ZBTB16: variants seen among roughly 807,000 people sequenced by gnomAD.
ZBTB16 encodes the protein zinc finger and BTB domain-containing protein 16.
A neutral mutation model predicts 56.8 loss-of-function variants in ZBTB16; 8 were observed. That is an observed-to-expected ratio of 0.14 (90% CI 0.08 to 0.25). The LOEUF (loss-of-function observed/expected upper bound fraction) is 0.25. Among genes scored for constraint, ZBTB16 ranks in the 10% least tolerant of loss-of-function variants. The pLI is 1.00. For synonymous variants in ZBTB16, 363 were observed against 368.5 expected (o/e 0.98, Z 0.17); for missense variants, 625 against 903.0 (o/e 0.69, Z 3.95).
At chr11:114,216,293 G>T (rs1375868871) in intron 4 of ZBTB16, among the ~76,000 whole-genome samples, 1 of 152,182 alleles carries the variant, frequency 6.6e-6, no homozygotes, top group Non-Finnish European at 1.5e-5. Flanking sequence ...AGCAGAGCTG[G>T]GGGGTGGACT....
intron 4 of ZBTB16, among the ~76,000 whole-genome samples, chr11:114,223,283 C>A (rs1239284260): frequency 1.3e-5 from 2 of 152,194 alleles, no homozygotes; most frequent in Admixed American, 1.3e-4. Flanking sequence ...ATGCCCTGCT[C>A]CTAACACATG....
In ZBTB16 at chr11:114,121,745, C is replaced by T. The variant is rs79551703; in HGVS notation, c.1269-34592C>T. The T allele has an allele frequency of 4.4e-3, 1,991 of 450,634 alleles. 35 individuals carry two copies. Among genetic ancestry groups the T allele is most frequent in the African/African-American group, 0.036 (1,815 of 49,940 alleles). 27.9% of individuals were successfully genotyped at this position (450,634 alleles called of 1,614,324 possible). ...TCTGATCCCAGATCCCAAATCCTTGCCCAGTATATTATACTCGCAGTTTTG... is the reference window on the plus strand; with the variant it reads ...TCTGATCCCAGATCCCAAATCCTTGTCCAGTATATTATACTCGCAGTTTTG... On this transcript the variant is annotated intron_variant, in intron 2 of 6. Coordinates refer to ENST00000335953, the MANE Select transcript of ZBTB16 (RefSeq NM_006006.6).
At chr11:114,171,989 A>C (rs1169174706) in intron 3 of ZBTB16, among the ~76,000 whole-genome samples, 1 of 152,250 alleles carries the variant, frequency 6.6e-6, no homozygotes, top group East Asian at 1.9e-4. Flanking sequence ...GGAAAGGGAG[A>C]CAGGAGCAGC....
intron 4 of ZBTB16, among the ~76,000 whole-genome samples, chr11:114,211,710 A>G (rs1322454453): frequency 6.6e-6 from 1 of 152,048 alleles, no homozygotes; most frequent in African/African-American, 2.4e-5. Context: ...TGATTTTCAG[A>G]GTCCCCGTTT....
intron 2 of ZBTB16, among the ~76,000 whole-genome samples, chr11:114,142,762 AG>A (rs10717202): frequency 0.22 from 33,575 of 150,700 alleles, 4,288 homozygotes; most frequent in Middle Eastern, 0.35. Context: ...GGCCTTGGGG[AG>A]GGGGAGCTGG....
chr11:114,062,130 T>C (rs1938900567), intron 1 of ZBTB16, among the ~76,000 whole-genome samples: 1 of 149,380 alleles, frequency 6.7e-6, no homozygotes, highest in South Asian at 2.1e-4. Flanking sequence ...TGAGACGGAG[T>C]TTTGCTCCTG....
intron 2 of ZBTB16, among the ~76,000 whole-genome samples, chr11:114,153,129 A>G (rs1177135835): frequency 6.6e-6 from 1 of 152,192 alleles, no homozygotes; most frequent in East Asian, 1.9e-4. Context: ...AGGTACCTCA[A>G]ATGCACTGAA....
rs1365768195 is a variant in ZBTB16, at chr11:114,082,551, A to C, written c.1268+17983A>C. 3.3e-5 allele frequency among the ~76,000 whole-genome samples: 5 copies of C among 152,128 alleles called. No individual in the cohort carries two copies. The East Asian group carries it at 7.7e-4, about 23-fold the overall frequency. ...GACGTGACTGGAGTGCTCCATACTG[A>C]TGTGACATCCACTAGGCATGTGTCT... On this transcript the variant is annotated intron_variant, in intron 2 of 6. Transcript: ENST00000335953.
At chr11:114,186,850 C>T (rs190482914) in intron 3 of ZBTB16, 102 bp from the exon 4 acceptor site, 120 of 1,148,320 alleles carry the variant, frequency 1.0e-4, no homozygotes, top group Non-Finnish European at 1.5e-4. Flanking sequence ...TGCGGGTGTC[C>T]AGTCCCCTTC....
At position 114,067,381 on chromosome 11, in the gene ZBTB16, G is replaced by C. The variant is rs548664218; in HGVS notation, c.1268+2813G>C. On this transcript the variant is annotated intron_variant, in intron 2 of 6. Coordinates refer to ENST00000335953, the MANE Select transcript of ZBTB16 (RefSeq NM_006006.6). The stretch of plus-strand genomic sequence containing the variant: ...CTGGAATCCTCCGTGTCACATGTGG[G>C]CTGCTGACAGGAAGAATGTGCTTTT... Among the ~76,000 whole-genome samples the C allele has an allele frequency of 3.0e-3, 460 of 152,248 alleles. 3 individuals are homozygous for C. Among genetic ancestry groups the C allele is most frequent in the Middle Eastern group, 0.017 (5 of 294 alleles).
chr11:114,223,201 G>A (rs1309721280), intron 4 of ZBTB16, among the ~76,000 whole-genome samples: 3 of 152,182 alleles, frequency 2.0e-5, no homozygotes, highest in Non-Finnish European at 4.4e-5. Context: ...GGACATCTGG[G>A]TAGCACTGCA....
At chr11:114,087,798 A>G (rs956390843) in intron 2 of ZBTB16, among the ~76,000 whole-genome samples, 1 of 152,076 alleles carries the variant, frequency 6.6e-6, no homozygotes, top group Admixed American at 6.6e-5. Context: ...TTCCAGCTAC[A>G]TTTTCACTCT....
chr11:114,164,710 T>C (rs973102434), intron 3 of ZBTB16, among the ~76,000 whole-genome samples: 12 of 152,202 alleles, frequency 7.9e-5, no homozygotes, highest in African/African-American at 2.9e-4. Context: ...CCTAGCCCTC[T>C]AACCAGGCTG....
chr11:114,207,290 C>T (rs912741054), intron 4 of ZBTB16, among the ~76,000 whole-genome samples: 13 of 152,078 alleles, frequency 8.5e-5, no homozygotes, highest in Non-Finnish European at 1.5e-4. Context: ...CACCTCAACC[C>T]GGATGAGTCA....
intron 4 of ZBTB16, among the ~76,000 whole-genome samples, chr11:114,220,754 G>A (rs2135150437): frequency 6.6e-6 from 1 of 152,330 alleles, no homozygotes; most frequent in South Asian, 2.1e-4. Flanking sequence ...GTAAATGAAT[G>A]TATCAGCTAC....
intron 4 of ZBTB16, 130 bp from the exon 5 acceptor site, chr11:114,242,037 A>C: frequency 1.6e-6 from 2 of 1,245,842 alleles, no homozygotes; most frequent in Non-Finnish European, 1.1e-6. Flanking sequence ...GCCTGGGCCC[A>C]CTCTGGATTT....
chr11:114,205,307 G>A (rs1242590606), intron 4 of ZBTB16, among the ~76,000 whole-genome samples: 1 of 151,996 alleles, frequency 6.6e-6, no homozygotes, highest in Non-Finnish European at 1.5e-5. Flanking sequence ...CTACTCAGGA[G>A]GCTGAGGCAG....
At position 114,253,098 on chromosome 11, in the gene ZBTB16, T is replaced by G. The variant is rs926469947; in HGVS notation, c.*2543T>G. ...TGCACTATGGCTTCCTCCTCTGGTC[T>G]GGGAAGAAGCGGGGACTGGCTGGCC... On this transcript the variant is annotated 3_prime_UTR_variant, in exon 7 of 7. Coordinates refer to ENST00000335953, the MANE Select transcript of ZBTB16 (RefSeq NM_006006.6). Among the ~76,000 whole-genome samples the G allele has an allele frequency of 1.3e-5, 2 of 152,158 alleles. No individual in the cohort carries two copies. The highest frequency in any genetic ancestry group is 6.5e-5 in the Admixed American group (1 of 15,282).
At chr11:114,128,014 C>G (rs1941558276) in intron 2 of ZBTB16, among the ~76,000 whole-genome samples, 1 of 152,112 alleles carries the variant, frequency 6.6e-6, no homozygotes, top group African/African-American at 2.4e-5. Context: ...CTAGCGACTC[C>G]CAGCAAGTTA....
Sources: allele counts gnomAD v4.1 joint callset (sites outside exome capture counted in the v4.1 genomes callset), GRCh38; gene constraint gnomAD v4.1.1; transcripts MANE v1.5; gene names NCBI Gene and HGNC (gene_info 2026-07-23, HGNC 2026-07-21).